ITFG2: variants seen among roughly 807,000 people sequenced by gnomAD.
ITFG2 encodes the protein KICSTOR complex protein ITFG2.
A neutral mutation model predicts 54.4 loss-of-function variants in ITFG2; 36 were observed. The ratio of observed to expected loss-of-function variants is 0.66; its 90% CI spans 0.51 to 0.87. The LOEUF is 0.87. Ranked by LOEUF, ITFG2 falls within the 40% of genes least tolerant of loss-of-function variation. ITFG2 has a pLI of 0.00. For synonymous variants in ITFG2, 211 were observed against 225.4 expected (o/e 0.94, Z 0.57); for missense variants, 524 against 576.7 (o/e 0.91, Z 0.94).
At chr12:2,828,553 A>T, downstream of ITFG2, 1 of 720,270 alleles carries the variant, frequency 1.4e-6, no homozygotes, top group Non-Finnish European at 2.3e-6. Flanking sequence ...ACTGGCTTTT[A>T]TCGGGGCCAG....
At chr12:2,815,731 T>C (rs894005075) in intron 1 of ITFG2, among the ~76,000 whole-genome samples, 1 of 152,200 alleles carries the variant, frequency 6.6e-6, no homozygotes, top group African/African-American at 2.4e-5. Flanking sequence ...GCTGTTCAGG[T>C]CGCATACTTT....
At chr12:2,834,557 C>T, upstream of ITFG2, 1 of 1,504,312 alleles carries the variant, frequency 6.6e-7, no homozygotes, top group Non-Finnish European at 8.9e-7. Flanking sequence ...AGGGTCTGCA[C>T]TTTCTGGTCC....
intron 2 of ITFG2, among the ~76,000 whole-genome samples, chr12:2,852,332 G>C (rs1407382641): frequency 6.6e-6 from 1 of 152,022 alleles, no homozygotes; most frequent in Non-Finnish European, 1.5e-5. Context: ...TGTGCCATTT[G>C]ACCCTCTAAC....
At chr12:2,859,666 G>A in exon 4 of ITFG2, 2 of 1,599,032 alleles carry the variant, frequency 1.3e-6, no homozygotes, top group Non-Finnish European at 1.7e-6. Context: ...AGCAGCACCT[G>A]AAAGGGAAAC....
At chr12:2,840,054 A>G (rs1286199773) in intron 1 of ITFG2, among the ~76,000 whole-genome samples, 1 of 151,378 alleles carries the variant, frequency 6.6e-6, no homozygotes, top group African/African-American at 2.4e-5. Flanking sequence ...CCTGAGCACC[A>G]TGCACTGTGC....
intron 9 of ITFG2, among the ~76,000 whole-genome samples, chr12:2,822,002 C>T (rs915442470): frequency 2.7e-5 from 4 of 146,868 alleles, no homozygotes; most frequent in African/African-American, 1.0e-4. Flanking sequence ...GATCTTGGTT[C>T]ACTGCAACCT....
chr12:2,823,577 G>A (rs1402398386), intron 10 of ITFG2, among the ~76,000 whole-genome samples, 193 bp from the exon 11 acceptor site: 1 of 152,172 alleles, frequency 6.6e-6, no homozygotes, highest in Non-Finnish European at 1.5e-5. Context: ...TTCTACATCT[G>A]AAGTGAGCCA....
upstream of ITFG2, chr12:2,835,138 A>G (rs2098022310): frequency 7.1e-7 from 1 of 1,408,244 alleles, no homozygotes; most frequent in African/African-American, 1.7e-5. Context: ...TCCTGGTCAG[A>G]GCGGGCGGTG....
chr12:2,843,035 G>A (rs2098045138), intron 2 of ITFG2, among the ~76,000 whole-genome samples: 1 of 152,104 alleles, frequency 6.6e-6, no homozygotes, highest in Non-Finnish European at 1.5e-5. Context: ...GCCAATTCTT[G>A]TCTCTGCTGG....
At chr12:2,834,192 C>T (rs1266708864), upstream of ITFG2, among the ~76,000 whole-genome samples, 1 of 152,142 alleles carries the variant, frequency 6.6e-6, no homozygotes, top group African/African-American at 2.4e-5. Context: ...GATGGAGACC[C>T]CCGATGTTTT....
At chr12:2,840,051 A>G (rs2098037277) in intron 1 of ITFG2, among the ~76,000 whole-genome samples, 1 of 150,946 alleles carries the variant, frequency 6.6e-6, no homozygotes. Flanking sequence ...AGACCTGAGC[A>G]CCATGCACTG....
In ITFG2 at chr12:2,817,232, C is replaced by T; in HGVS notation, c.106C>T (p.Leu36=). 6.2e-7 allele frequency: 1 copy of T among 1,612,094 alleles called. No homozygotes were observed. The highest frequency in any genetic ancestry group is 8.5e-7 in the Non-Finnish European group (1 of 1,178,336). Residue 36 remains leucine, a synonymous_variant, in exon 2 of 12, where the codon CTG becomes TTG. Coordinates refer to ENST00000228799, the MANE Select transcript of ITFG2 (RefSeq NM_018463.4). ...GDVDNDTLNE[L]VVGDTSGKVS... is the part of the protein sequence containing the mutation. Reference sequence around the variant, plus strand: ...CTCTCTCCATTTGAAGTTAAATGAACTGGTGGTGGGAGACACCAGCGGGAA... The same window carrying T: ...CTCTCTCCATTTGAAGTTAAATGAATTGGTGGTGGGAGACACCAGCGGGAA...
chr12:2,823,411 C>G (rs1345432463), intron 10 of ITFG2, among the ~76,000 whole-genome samples: 2 of 152,190 alleles, frequency 1.3e-5, no homozygotes, highest in African/African-American at 4.8e-5. Flanking sequence ...GGATTGGCAC[C>G]TAAGAGAAGC....
At chr12:2,835,999 C>T (rs1359378622), upstream of ITFG2, among the ~76,000 whole-genome samples, 1 of 152,168 alleles carries the variant, frequency 6.6e-6, no homozygotes. Flanking sequence ...CATAGTATTC[C>T]ATTAGATGCA....
At chr12:2,843,578 C>T (rs923329961) in intron 2 of ITFG2, among the ~76,000 whole-genome samples, 4 of 152,016 alleles carry the variant, frequency 2.6e-5, no homozygotes, top group South Asian at 2.1e-4. Context: ...TTAAGGATGC[C>T]GAGGTGGGTG....
At chr12:2,859,466 G>C (rs2098104389) in intron 3 of ITFG2, 1 of 1,613,764 alleles carries the variant, frequency 6.2e-7, no homozygotes, top group Admixed American at 1.7e-5. Flanking sequence ...GGGCCGGGGA[G>C]GGCCACTCTT....
chr12:2,835,347 C>T (rs566787989), upstream of ITFG2: 52 of 411,488 alleles, frequency 1.3e-4, no homozygotes, highest in Non-Finnish European at 1.7e-4. Context: ...TGCATCCCTC[C>T]CAGGCTTCCC....
downstream of ITFG2, chr12:2,827,925 C>G: frequency 6.2e-7 from 1 of 1,614,006 alleles, no homozygotes; most frequent in East Asian, 2.2e-5. This position sits in a 1 kb window ranked among gnomAD's most constrained non-coding sequence, Gnocchi z 4.0. Flanking sequence ...GGGGGACTTA[C>G]CCACCACCTG....
chr12:2,820,971 G>C, intron 6 of ITFG2, 99 bp downstream of exon 6: 2 of 1,295,070 alleles, frequency 1.5e-6, no homozygotes, highest in Non-Finnish European at 2.2e-6. Context: ...AGTTGGCAGA[G>C]CTGCCTCATC....
Sources: allele counts gnomAD v4.1 joint callset (sites outside exome capture counted in the v4.1 genomes callset), GRCh38; gene constraint gnomAD v4.1.1; non-coding constraint Gnocchi (gnomAD v3.1); transcripts MANE v1.5; gene names NCBI Gene and HGNC (gene_info 2026-07-23, HGNC 2026-07-21).